The following MARCHF5 variants were observed in gnomAD, a reference collection of about 807,000 sequenced individuals.
The protein encoded by MARCHF5 is E3 ubiquitin-protein ligase MARCHF5.
A neutral mutation model predicts 36.5 loss-of-function variants in MARCHF5; 5 were observed. The observed-to-expected ratio is 0.14, with a 90% CI of 0.07 to 0.29. The LOEUF is 0.29. Among genes scored for constraint, MARCHF5 ranks in the 10% least tolerant of loss-of-function variants. The pLI, the probability that MARCHF5 is intolerant of heterozygous loss-of-function variation, is 1.00. For synonymous variants in MARCHF5, 103 were observed against 109.9 expected (o/e 0.94, Z 0.39); for missense variants, 179 against 336.3 (o/e 0.53, Z 3.66).
chr10:92,295,468 C>T (rs1460165086), intron 1 of MARCHF5, among the ~76,000 whole-genome samples: 4 of 146,822 alleles, frequency 2.7e-5, no homozygotes, highest in Non-Finnish European at 4.5e-5. Flanking sequence ...AGTGCAGTGG[C>T]GCAATCTTGG....
chr10:92,325,766 C>A (rs1843350025), intron 2 of MARCHF5, among the ~76,000 whole-genome samples: 1 of 152,178 alleles, frequency 6.6e-6, no homozygotes, highest in Non-Finnish European at 1.5e-5. Context: ...CAACCTCTGC[C>A]TCCCAGGTTC....
At chr10:92,338,749 A>C (rs1236245950) in intron 2 of MARCHF5, among the ~76,000 whole-genome samples, 2 of 152,174 alleles carry the variant, frequency 1.3e-5, no homozygotes, top group Non-Finnish European at 2.9e-5. Context: ...CTTTGTTCTT[A>C]CATGTTTCAT....
intron 2 of MARCHF5, among the ~76,000 whole-genome samples, chr10:92,334,882 C>A (rs1843485060): frequency 1.3e-5 from 2 of 152,122 alleles, no homozygotes; most frequent in African/African-American, 4.8e-5. Context: ...GTTCTCTTTA[C>A]AAAAGCTTCT....
intron 2 of MARCHF5, among the ~76,000 whole-genome samples, chr10:92,337,121 CA>C (rs199761409): frequency 0.22 from 27,999 of 129,368 alleles, 3,163 homozygotes; most frequent in East Asian, 0.41. Flanking sequence ...GACTCTGTCT[CA>C]AAAAAAAAAA....
chr10:92,330,400 G>A (rs571930362), intron 2 of MARCHF5, among the ~76,000 whole-genome samples: 22 of 152,198 alleles, frequency 1.4e-4, no homozygotes, highest in African/African-American at 4.8e-4. Context: ...AGGAGGGGAG[G>A]ATAACTGCTC....
At chr10:92,298,667 C>T (rs1444435924) in intron 1 of MARCHF5, among the ~76,000 whole-genome samples, 1 of 152,162 alleles carries the variant, frequency 6.6e-6, no homozygotes, top group Non-Finnish European at 1.5e-5. Flanking sequence ...ATCCCCCACC[C>T]TCCGGCTCAA....
intron 2 of MARCHF5, among the ~76,000 whole-genome samples, chr10:92,323,042 C>CT (rs1307669584): frequency 6.6e-6 from 1 of 151,876 alleles, no homozygotes; most frequent in Non-Finnish European, 1.5e-5. Context: ...CAGCCACCTT[C>CT]TTTATTCTTT....
intron 3 of MARCHF5, among the ~76,000 whole-genome samples, chr10:92,344,928 A>T (rs73318098): frequency 0.11 from 16,113 of 152,164 alleles, 2,817 homozygotes; most frequent in African/African-American, 0.37. Flanking sequence ...GTTATAAATT[A>T]TTCCTAGTTT....
At chr10:92,308,098 G>A (rs547582988) in intron 1 of MARCHF5, among the ~76,000 whole-genome samples, 2 of 151,894 alleles carry the variant, frequency 1.3e-5, no homozygotes, top group Non-Finnish European at 2.9e-5. Context: ...CTGCCACCAC[G>A]CCTGGCTAAT....
intron 1 of MARCHF5, among the ~76,000 whole-genome samples, chr10:92,310,447 C>G (rs537282373): frequency 1.8e-4 from 27 of 152,006 alleles, no homozygotes; most frequent in African/African-American, 6.0e-4. Context: ...TTAAAATTAC[C>G]GATCTCAATA....
chr10:92,307,226 C>T (rs888352681), intron 1 of MARCHF5, among the ~76,000 whole-genome samples: 9 of 147,326 alleles, frequency 6.1e-5, no homozygotes, highest in African/African-American at 8.0e-5. Flanking sequence ...CGTGCATGCA[C>T]GCACGTGCCC....
At chr10:92,347,523 T>TAGATGATAGATAGATA (rs58664499) in intron 3 of MARCHF5, among the ~76,000 whole-genome samples, 68 of 86,920 alleles carry the variant, frequency 7.8e-4, no homozygotes, top group East Asian at 3.5e-3. Flanking sequence ...GATAGATAGA[T>TAGATGATAGATAGATA]GATAGATATA....
chr10:92,327,496 C>T (rs1338693520), intron 2 of MARCHF5, among the ~76,000 whole-genome samples: 1 of 152,094 alleles, frequency 6.6e-6, no homozygotes, highest in Non-Finnish European at 1.5e-5. Context: ...TAATTTTATG[C>T]ATGTGTGCAA....
Position 92,318,156 on chromosome 10 carries a change from G to A in MARCHF5, c.238+6819G>A, listed in dbSNP as rs146856406. The stretch of plus-strand genomic sequence containing the variant: ...AAGCAGATATCCTTGGCTGGGAGCC[G>A]TGGCTCATACCTGTAATCCCAGCAC... On this transcript the variant is annotated intron_variant, in intron 2 of 5. Transcript: ENST00000358935. 9.9e-3 allele frequency among the ~76,000 whole-genome samples: 1,510 copies of A among 152,220 alleles called. 25 individuals carry two copies. Among genetic ancestry groups the A allele is most frequent in the African/African-American group, 0.034 (1,412 of 41,538 alleles).
chr10:92,310,686 G>A (rs1843134646), intron 1 of MARCHF5, among the ~76,000 whole-genome samples: 1 of 152,072 alleles, frequency 6.6e-6, no homozygotes, highest in Admixed American at 6.5e-5. Flanking sequence ...GAATGAGACT[G>A]TATGTGAAAT....
At position 92,295,310 on chromosome 10, in the gene MARCHF5, C is replaced by CTTTTTTTTTTTTTTT. The variant is rs1554945659; in HGVS notation, c.35+3785_35+3786insTTTTTTTTTTTTTTT. ...TTCAGGGTTTTTAAACTAGAGGCAA[C>CTTTTTTTTTTTTTTT]TTTTCTTTTTTTTTTTTTTTTTTTT... On this transcript the variant is annotated intron_variant, in intron 1 of 5. Coordinates refer to ENST00000358935, the MANE Select transcript of MARCHF5 (RefSeq NM_017824.5). 2.3e-4 allele frequency among the ~76,000 whole-genome samples: 6 copies of CTTTTTTTTTTTTTTT among 26,242 alleles called. 3 individuals carry two copies. Among genetic ancestry groups the CTTTTTTTTTTTTTTT allele is most frequent in the Non-Finnish European group, 4.3e-4 (6 of 14,012 alleles). The allele number at this position is 26,242 out of a possible 152,430, so 17.2% of individuals were successfully genotyped here.
At chr10:92,316,709 C>A (rs1188486800) in intron 2 of MARCHF5, among the ~76,000 whole-genome samples, 1 of 151,346 alleles carries the variant, frequency 6.6e-6, no homozygotes, top group East Asian at 1.9e-4. Flanking sequence ...GTTACAGGCA[C>A]GTGCCACCAC....
chr10:92,351,238 C>G lies in MARCHF5; in HGVS notation c.*31C>G. ...ACTTCTGGTTGTTCTGCAGTTCTCT[C>G]ATCCTTATGAATCTGTTGTGTTGTT... On this transcript the variant is annotated 3_prime_UTR_variant, in exon 6 of 6. Coordinates refer to ENST00000358935, the MANE Select transcript of MARCHF5 (RefSeq NM_017824.5). 7.7e-7 allele frequency: 1 copy of G among 1,303,550 alleles called. No homozygotes were observed. Among genetic ancestry groups the G allele is most frequent in the Non-Finnish European group, 1.1e-6 (1 of 901,640 alleles). 80.7% of individuals were successfully genotyped at this position (1,303,550 alleles called of 1,614,324 possible).
At chr10:92,336,995 C>T (rs1485768598) in intron 2 of MARCHF5, among the ~76,000 whole-genome samples, 1 of 151,762 alleles carries the variant, frequency 6.6e-6, no homozygotes, top group Non-Finnish European at 1.5e-5. Context: ...TGGTGGTGCA[C>T]ACCTGTAGTC....
Sources: allele counts gnomAD v4.1 joint callset (sites outside exome capture counted in the v4.1 genomes callset), GRCh38; gene constraint gnomAD v4.1.1; transcripts MANE v1.5; gene names NCBI Gene and HGNC (gene_info 2026-07-23, HGNC 2026-07-21).